The following LDB2 variants were observed in gnomAD, a reference collection of about 807,000 sequenced individuals.
The protein encoded by LDB2 is LIM domain-binding protein 2.
Under a neutral mutation model 44.3 loss-of-function variants are expected in LDB2, and 12 were observed. That is an observed-to-expected ratio of 0.27 (90% confidence interval 0.17 to 0.44). LDB2 has a LOEUF of 0.44. LDB2 is among the 20% of genes least tolerant of loss of function. The pLI, the probability that LDB2 is intolerant of heterozygous loss-of-function variation, is 1.00. For missense variants in LDB2, 344 were observed against 473.5 expected, an observed-to-expected ratio of 0.73 and a Z score of 2.54; for synonymous variants, 164 against 174.8, an observed-to-expected ratio of 0.94 and a Z score of 0.49.
intron 1 of LDB2, among the ~76,000 whole-genome samples, chr4:16,761,492 A>G (rs1183196532): frequency 6.6e-6 from 1 of 152,186 alleles, no homozygotes; most frequent in Non-Finnish European, 1.5e-5. Context: ...AGCAGTTGGT[A>G]ACACATCATG....
At chr4:16,511,394 A>G (rs1721685025) in intron 6 of LDB2, among the ~76,000 whole-genome samples, 1 of 152,160 alleles carries the variant, frequency 6.6e-6, no homozygotes, top group Non-Finnish European at 1.5e-5. Context: ...AGTGAGGGAA[A>G]TGGAATTGCT....
At chr4:16,557,412 G>C (rs1036041400) in intron 5 of LDB2, among the ~76,000 whole-genome samples, 1 of 152,224 alleles carries the variant, frequency 6.6e-6, no homozygotes, top group Admixed American at 6.5e-5. Context: ...ATTATATCCC[G>C]CACCTGGCTC....
chr4:16,721,639 A>C (rs548479655), intron 2 of LDB2, among the ~76,000 whole-genome samples: 30 of 152,140 alleles, frequency 2.0e-4, no homozygotes, highest in Non-Finnish European at 3.8e-4. Context: ...TGGAGCAACA[A>C]ACCTAAATTG....
At chr4:16,636,314 T>C (rs1261974306) in intron 2 of LDB2, among the ~76,000 whole-genome samples, 1 of 152,224 alleles carries the variant, frequency 6.6e-6, no homozygotes, top group Non-Finnish European at 1.5e-5. Context: ...AAAGCCTTTA[T>C]CATTCTCTGC....
intron 1 of LDB2, among the ~76,000 whole-genome samples, chr4:16,760,272 A>C (rs1192846677): frequency 6.6e-6 from 1 of 152,166 alleles, no homozygotes; most frequent in Non-Finnish European, 1.5e-5. Context: ...GTCCTGGCAG[A>C]GATACCACAA....
chr4:16,503,625 T>TATCA (rs1718179102), intron 7 of LDB2, among the ~76,000 whole-genome samples: 1 of 152,206 alleles, frequency 6.6e-6, no homozygotes, highest in Admixed American at 6.5e-5. Flanking sequence ...GCCTGTCACC[T>TATCA]ATCACCACAC....
chr4:16,506,362 A>G lies in LDB2; in HGVS notation c.891+2173T>C, dbSNP rs78104465. 63 of 170,310 alleles carry G rather than the reference A, an allele frequency of 3.7e-4. No homozygotes were observed. The East Asian group carries it at 1.0e-2, about 27-fold the overall frequency. The allele number at this position is 170,310 out of a possible 1,614,324, so 10.5% of individuals were successfully genotyped here. On this transcript the variant is annotated intron_variant, in intron 7 of 7. Coordinates refer to ENST00000304523, the MANE Select transcript of LDB2 (RefSeq NM_001290.5). The stretch of plus-strand genomic sequence containing the variant: ...AGTGTGGAGATAGTGATGGAATCCA[A>G]CTCTCATTTCCTAACGGTGCCTTGC...
At chr4:16,721,403 T>A (rs201619529) in intron 2 of LDB2, among the ~76,000 whole-genome samples, 1 of 152,186 alleles carries the variant, frequency 6.6e-6, no homozygotes, top group Admixed American at 6.6e-5. Flanking sequence ...AAGAAGTAGC[T>A]CTTGGCTTAA....
intron 2 of LDB2, among the ~76,000 whole-genome samples, chr4:16,725,539 C>CAGACTTTA (rs1759255738): frequency 5.3e-5 from 8 of 152,116 alleles, no homozygotes; most frequent in Admixed American, 5.2e-4. Context: ...CCAAATTGGC[C>CAGACTTTA]AGACTTTAAT....
chr4:16,731,881 A>C (rs1760842777), intron 2 of LDB2, among the ~76,000 whole-genome samples: 1 of 152,152 alleles, frequency 6.6e-6, no homozygotes, highest in Admixed American at 6.5e-5. Context: ...TAACTACAAA[A>C]AAGCAAACGA....
chr4:16,809,742 A>AAAC (rs1554031286), intron 1 of LDB2, among the ~76,000 whole-genome samples: 76 of 134,872 alleles, frequency 5.6e-4, no homozygotes, highest in Middle Eastern at 3.5e-3. Flanking sequence ...ACAAACAAAC[A>AAAC]AAAAAAAAAC....
intron 2 of LDB2, among the ~76,000 whole-genome samples, chr4:16,643,191 G>T (rs965605153): frequency 6.6e-6 from 1 of 151,738 alleles, no homozygotes; most frequent in African/African-American, 2.4e-5. Context: ...GGTGGGATGG[G>T]GTGGGGGGGG....
intron 2 of LDB2, among the ~76,000 whole-genome samples, chr4:16,755,335 C>A (rs917298126): frequency 2.5e-4 from 38 of 152,140 alleles, no homozygotes; most frequent in African/African-American, 8.9e-4. Context: ...CTTTGAGGAA[C>A]CTGATCCCTG....
intron 5 of LDB2, among the ~76,000 whole-genome samples, chr4:16,529,120 A>G (rs771289022): frequency 1.2e-4 from 19 of 152,150 alleles, no homozygotes; most frequent in Non-Finnish European, 2.2e-4. Flanking sequence ...TACCCCCGGC[A>G]CCATTAACTA....
chr4:16,817,170 G>C (rs1252346850), intron 1 of LDB2, among the ~76,000 whole-genome samples: 1 of 152,110 alleles, frequency 6.6e-6, no homozygotes, highest in Non-Finnish European at 1.5e-5. Context: ...TTTTGTAAAG[G>C]ATCGATGTAT....
At chr4:16,758,264 C>T (rs1432348228) in intron 2 of LDB2, among the ~76,000 whole-genome samples, 1 of 152,078 alleles carries the variant, frequency 6.6e-6, no homozygotes, top group Non-Finnish European at 1.5e-5. Context: ...ATATCAAGAA[C>T]CCTATTACCT....
intron 2 of LDB2, among the ~76,000 whole-genome samples, chr4:16,650,787 G>A (rs764257956): frequency 3.3e-5 from 5 of 152,246 alleles, no homozygotes; most frequent in Non-Finnish European, 7.4e-5. Flanking sequence ...CTGTCACAAA[G>A]TAGCCCCATT....
chr4:16,777,815 CA>C (rs1343138693), intron 1 of LDB2, among the ~76,000 whole-genome samples: 1 of 152,192 alleles, frequency 6.6e-6, no homozygotes, highest in Non-Finnish European at 1.5e-5. Flanking sequence ...GGCTGTGACA[CA>C]GAGCATGATC....
At chr4:16,564,460 G>A (rs917372632) in intron 5 of LDB2, among the ~76,000 whole-genome samples, 31 of 152,284 alleles carry the variant, frequency 2.0e-4, no homozygotes, top group African/African-American at 4.8e-4. Flanking sequence ...CTTCCTGTCC[G>A]TATTCAGTGA....
Sources: gnomAD v4.1 joint callset for allele counts (sites outside exome capture counted in the v4.1 genomes callset) on GRCh38, gnomAD v4.1.1 for gene constraint, MANE v1.5 for transcripts, NCBI Gene and HGNC (gene_info 2026-07-23, HGNC 2026-07-21) for gene names.